The following ATP2C2 variants were observed in gnomAD, a reference collection of about 807,000 sequenced individuals.
ATP2C2 encodes calcium-transporting ATPase type 2C member 2.
Under a neutral mutation model 110.8 loss-of-function variants are expected in ATP2C2, and 171 were observed. The observed-to-expected ratio is 1.54, with a 90% confidence interval of 1.36 to 1.75. ATP2C2 has a LOEUF of 1.75. ATP2C2 is among the 40% of genes most tolerant of loss of function. The probability of loss-of-function intolerance (pLI) is 0.00; values close to 1 mark genes in which losing one functional copy is unlikely to be tolerated. For missense variants in ATP2C2, 1,963 were observed against 1,235.0 expected, an observed-to-expected ratio of 1.59 and a Z score of -8.84; for synonymous variants, 804 against 508.4, an observed-to-expected ratio of 1.58 and a Z score of -7.82.
chr16:84,433,564 A>T (rs1908468029), intron 11 of ATP2C2, among the ~76,000 whole-genome samples: 1 of 152,102 alleles, frequency 6.6e-6, no homozygotes, highest in South Asian at 2.1e-4. Context: ...AGGCAGGAGA[A>T]TCTCTTGAAC....
At chr16:84,461,233 G>A (rs1911303791) in intron 24 of ATP2C2, 1 of 259,936 alleles carries the variant, frequency 3.8e-6, no homozygotes, top group Admixed American at 5.0e-5. Flanking sequence ...GCCAGGACGG[G>A]CCACGATCTA....
intron 26 of ATP2C2, 67 bp downstream of exon 26, chr16:84,462,196 T>C (rs1234706758): frequency 6.4e-7 from 1 of 1,565,060 alleles, no homozygotes; most frequent in East Asian, 2.3e-5. Flanking sequence ...AGCTGCCAGG[T>C]GGGGAGCTGC....
At chr16:84,445,024 A>C (rs528114942) in intron 15 of ATP2C2, among the ~76,000 whole-genome samples, 1 of 152,262 alleles carries the variant, frequency 6.6e-6, no homozygotes, top group South Asian at 2.1e-4. Context: ...ACTGAAACAC[A>C]GCTCTGTGGC....
intron 1 of ATP2C2, among the ~76,000 whole-genome samples, chr16:84,382,313 A>T (rs1910625012): frequency 6.6e-6 from 1 of 151,988 alleles, no homozygotes; most frequent in Non-Finnish European, 1.5e-5. Flanking sequence ...AAGGACACGA[A>T]CTCATCCTTT....
At chr16:84,425,142 C>G (rs1907697701) in intron 10 of ATP2C2, among the ~76,000 whole-genome samples, 1 of 152,188 alleles carries the variant, frequency 6.6e-6, no homozygotes, top group African/African-American at 2.4e-5. Flanking sequence ...CCCCTGGCCC[C>G]TGCAAAGCAA....
At chr16:84,428,357 A>G (rs1357662610) in intron 11 of ATP2C2, among the ~76,000 whole-genome samples, 2 of 152,224 alleles carry the variant, frequency 1.3e-5, no homozygotes, top group Admixed American at 6.5e-5. Flanking sequence ...ACGACACTGC[A>G]TGGTGTGCAT....
intron 2 of ATP2C2, among the ~76,000 whole-genome samples, chr16:84,398,821 G>A (rs992274308): frequency 1.3e-5 from 2 of 152,170 alleles, no homozygotes; most frequent in Non-Finnish European, 2.9e-5. Flanking sequence ...GGCCCTTACC[G>A]GAAGACGGCG....
At chr16:84,459,607 TTC>T in intron 23 of ATP2C2, 1 of 1,532,322 alleles carries the variant, frequency 6.5e-7, no homozygotes, top group African/African-American at 1.4e-5. Context: ...GGATGGAACT[TTC>T]TGCTCCCTCT....
chr16:84,454,382 TTTC>T (rs1910595729), intron 20 of ATP2C2, among the ~76,000 whole-genome samples: 1 of 152,234 alleles, frequency 6.6e-6, no homozygotes, highest in Non-Finnish European at 1.5e-5. Context: ...GTAGACGGGC[TTTC>T]TTCTTTCATG....
chr16:84,405,327 G>A (rs1905667787), intron 3 of ATP2C2, 83 bp downstream of exon 3: 2 of 1,220,304 alleles, frequency 1.6e-6, no homozygotes, highest in South Asian at 1.4e-5. Flanking sequence ...CAATGTTGAT[G>A]GAAGGCATCC....
chr16:84,383,431 C>T (rs1357285030), intron 1 of ATP2C2, among the ~76,000 whole-genome samples: 1 of 152,234 alleles, frequency 6.6e-6, no homozygotes, highest in Non-Finnish European at 1.5e-5. Flanking sequence ...TGATGATAAG[C>T]AGCCATGTCT....
chr16:84,393,085 G>A (rs1904757144), intron 1 of ATP2C2, among the ~76,000 whole-genome samples: 2 of 152,196 alleles, frequency 1.3e-5, no homozygotes, highest in African/African-American at 2.4e-5. Flanking sequence ...CAGCGGGCAC[G>A]GGCCCACTTG....
At chr16:84,416,510 A>T (rs1254190707) in intron 7 of ATP2C2, among the ~76,000 whole-genome samples, 1 of 152,212 alleles carries the variant, frequency 6.6e-6, no homozygotes, top group Non-Finnish European at 1.5e-5. Context: ...GGAGAAGAGC[A>T]CAAAGGGTTG....
chr16:84,411,200 G>C (rs1364958930), intron 6 of ATP2C2, among the ~76,000 whole-genome samples: 2 of 152,146 alleles, frequency 1.3e-5, no homozygotes, highest in Non-Finnish European at 2.9e-5. Flanking sequence ...CTGCAGCATA[G>C]GGTATAGGAA....
intron 1 of ATP2C2, among the ~76,000 whole-genome samples, chr16:84,393,481 A>G (rs1273685559): frequency 1.3e-5 from 2 of 152,164 alleles, no homozygotes; most frequent in African/African-American, 2.4e-5. Flanking sequence ...GGTGGCCTTG[A>G]AACACCGAAA....
chr16:84,423,582 G>A (rs895589383), intron 10 of ATP2C2, among the ~76,000 whole-genome samples: 2 of 152,188 alleles, frequency 1.3e-5, no homozygotes, highest in Non-Finnish European at 2.9e-5. Context: ...AGTGACTTGG[G>A]CCCAGGCCCC....
chr16:84,442,489 G>T, intron 14 of ATP2C2, 21 bp from the exon 15 acceptor site: 4 of 1,613,260 alleles, frequency 2.5e-6, no homozygotes, highest in Non-Finnish European at 3.4e-6. Context: ...AACTACAGAT[G>T]TCCGGACAAT....
At chr16:84,460,414 G>C (rs393515) in intron 23 of ATP2C2, 1 of 593,634 alleles carries the variant, frequency 1.7e-6, no homozygotes, top group Non-Finnish European at 3.0e-6. Flanking sequence ...TTGGCCTTAC[G>C]GGGTGGTCTT....
At chr16:84,399,231 C>G (rs1247150224) in intron 2 of ATP2C2, among the ~76,000 whole-genome samples, 1 of 152,222 alleles carries the variant, frequency 6.6e-6, no homozygotes, top group Admixed American at 6.5e-5. Flanking sequence ...AGGGCACATA[C>G]TACAATTTCA....
Sources: gnomAD v4.1 joint callset for allele counts (sites outside exome capture counted in the v4.1 genomes callset) on GRCh38, gnomAD v4.1.1 for gene constraint, MANE v1.5 for transcripts, NCBI Gene and HGNC (gene_info 2026-07-23, HGNC 2026-07-21) for gene names.